The following ROBO2 variants were observed in gnomAD, a reference collection of about 807,000 sequenced individuals.
ROBO2 encodes roundabout homolog 2.
Under a neutral mutation model 160.8 loss-of-function variants are expected in ROBO2, and 53 were observed. The ratio of observed to expected loss-of-function variants is 0.33; its 90% CI spans 0.26 to 0.41. The LOEUF is 0.41. Among genes scored for constraint, ROBO2 ranks in the 10% least tolerant of loss-of-function variants. ROBO2 has a pLI of 1.00. For missense variants in ROBO2, 1,577 were observed against 1,722.4 expected (o/e 0.92, Z 1.49); for synonymous variants, 664 against 611.7 (o/e 1.09, Z -1.26).
At chr3:77,605,680 C>T (rs1165510040) in intron 20 of ROBO2, among the ~76,000 whole-genome samples, 3 of 152,054 alleles carry the variant, frequency 2.0e-5, no homozygotes, top group Non-Finnish European at 4.4e-5. Context: ...TAGTAATTTC[C>T]AGTAAAGAAA....
intron 2 of ROBO2, among the ~76,000 whole-genome samples, chr3:76,483,287 T>A (rs1420330629): frequency 6.6e-6 from 1 of 150,620 alleles, no homozygotes; most frequent in African/African-American, 2.4e-5. Context: ...TTGTTTTCTG[T>A]ATGTAACATG....
chr3:76,329,481 G>T lies in ROBO2; in HGVS notation c.109+391879G>T, dbSNP rs540511751. ...GATCCGCCCGCCTGGGCCTCTCAAA[G>T]TGCTGGGATAACAGGCCTGAGCCAC... On this transcript the variant is annotated intron_variant, in intron 2 of 26. Coordinates refer to the ROBO2 transcript ENST00000487694. Among the ~76,000 whole-genome samples, 13 of 152,322 alleles carry T rather than the reference G, an allele frequency of 8.5e-5. No homozygotes were observed. The South Asian group carries it at 2.3e-3, about 27-fold the overall frequency.
chr3:77,379,659 G>A (rs1560673104), intron 2 of ROBO2, among the ~76,000 whole-genome samples: 1 of 152,136 alleles, frequency 6.6e-6, no homozygotes, highest in Non-Finnish European at 1.5e-5. Context: ...GTCCCCATGT[G>A]TGAATCAAGT....
intron 2 of ROBO2, among the ~76,000 whole-genome samples, chr3:76,952,397 C>A (rs1577777850): frequency 1.3e-5 from 2 of 152,132 alleles, no homozygotes; most frequent in Admixed American, 6.5e-5. Flanking sequence ...ATTCTCCTGC[C>A]TCAGCCTCCC....
At chr3:76,685,312 G>A (rs1241159440) in intron 2 of ROBO2, among the ~76,000 whole-genome samples, 2 of 151,454 alleles carry the variant, frequency 1.3e-5, no homozygotes, top group Non-Finnish European at 2.9e-5. Context: ...AAAATGCTAC[G>A]GGATATCCTG....
At chr3:77,214,491 T>A (rs1010355795) in intron 2 of ROBO2, among the ~76,000 whole-genome samples, 2 of 152,174 alleles carry the variant, frequency 1.3e-5, no homozygotes, top group Non-Finnish European at 2.9e-5. Context: ...ATGAGATCAG[T>A]TTCCTGAATA....
In ROBO2 at chr3:76,272,820, TTATA is replaced by T. The variant is rs1174051629; in HGVS notation, c.109+335223_109+335226del. 2.1e-4 allele frequency among the ~76,000 whole-genome samples: 3 copies of T among 14,454 alleles called. 1 individual carries two copies. Among genetic ancestry groups the T allele is most frequent in the African/African-American group, 4.3e-4 (3 of 6,900 alleles). 9.5% of individuals were successfully genotyped at this position (14,454 alleles called of 152,430 possible). ...TATATATAAAATATATAATATGTAT[TTATA>T]TATAAAATATATATATTATATATTA... On this transcript the variant is annotated intron_variant, in intron 2 of 26. Coordinates refer to the ROBO2 transcript ENST00000487694.
At chr3:76,625,004 C>A (rs1366700006) in intron 2 of ROBO2, among the ~76,000 whole-genome samples, 2 of 151,854 alleles carry the variant, frequency 1.3e-5, no homozygotes, top group East Asian at 3.9e-4. Flanking sequence ...CTTCTAATCA[C>A]AAGTTTGCAT....
intron 2 of ROBO2, among the ~76,000 whole-genome samples, chr3:76,835,906 AGCGT>A (rs1409207967): frequency 3.3e-5 from 5 of 152,034 alleles, no homozygotes; most frequent in Non-Finnish European, 5.9e-5. Context: ...CTTTTGACAC[AGCGT>A]GATTAGACAA....
intron 21 of ROBO2, among the ~76,000 whole-genome samples, chr3:77,610,090 C>A (rs1306038172): frequency 1.3e-5 from 2 of 151,188 alleles, no homozygotes; most frequent in East Asian, 3.9e-4. Context: ...TGATTTTGTC[C>A]ATTTTTTGAT....
At chr3:77,489,940 C>A (rs965344771) in intron 4 of ROBO2, among the ~76,000 whole-genome samples, 1 of 152,056 alleles carries the variant, frequency 6.6e-6, no homozygotes, top group Admixed American at 6.6e-5. Flanking sequence ...TATCAATTAT[C>A]GAAGCCACTG....
chr3:77,079,033 C>T (rs536884589), intron 1 of ROBO2, among the ~76,000 whole-genome samples: 1 of 151,988 alleles, frequency 6.6e-6, no homozygotes, highest in Non-Finnish European at 1.5e-5. Context: ...AACCTCTGCC[C>T]CCTGAGCCTC....
In ROBO2 at chr3:76,197,188, C is replaced by G. The variant is rs192641174; in HGVS notation, c.109+259586C>G. Among the ~76,000 whole-genome samples, 300 of 146,182 alleles carry G rather than the reference C, an allele frequency of 2.1e-3. 12 individuals carry two copies. Among genetic ancestry groups the G allele is most frequent in the African/African-American group, 7.4e-3 (278 of 37,810 alleles). ...GGGAGTGATAATCCACTGAGCTAAT[C>G]GGTCTCTCTATAGATTTGGATCTGG... is the stretch of plus-strand genomic sequence containing the variant. On this transcript the variant is annotated intron_variant, in intron 2 of 26. Transcript: ENST00000487694.
chr3:76,489,614 T>C (rs2079702863), intron 2 of ROBO2, among the ~76,000 whole-genome samples: 1 of 152,192 alleles, frequency 6.6e-6, no homozygotes, highest in African/African-American at 2.4e-5. Context: ...AATTATTTTA[T>C]TTATAACTTC....
intron 2 of ROBO2, among the ~76,000 whole-genome samples, chr3:75,972,198 G>C (rs1408109935): frequency 6.6e-6 from 1 of 151,552 alleles, no homozygotes; most frequent in East Asian, 2.0e-4. Context: ...ATATTATTAA[G>C]ACAAGCACTT....
intron 2 of ROBO2, among the ~76,000 whole-genome samples, chr3:76,218,666 A>G (rs1341543938): frequency 7.9e-5 from 12 of 152,212 alleles, no homozygotes; most frequent in African/African-American, 2.9e-4. Flanking sequence ...ATAAAAGACG[A>G]TACAAACAAA....
chr3:76,802,653 A>G (rs1264197212), intron 2 of ROBO2, among the ~76,000 whole-genome samples: 8 of 150,810 alleles, frequency 5.3e-5, no homozygotes, highest in Non-Finnish European at 5.9e-5. Context: ...GCGGGAACCC[A>G]GGAGGCGGAG....
At position 76,519,653 on chromosome 3, in the gene ROBO2, G is replaced by A. The variant is rs911643417; in HGVS notation, c.110-578361G>A. ...GTATACCCGGGGATTTGCATACTAGGACATTGGAAACTGCCAAAATGATAG... is the reference window on the plus strand; with the variant it reads ...GTATACCCGGGGATTTGCATACTAGAACATTGGAAACTGCCAAAATGATAG... On this transcript the variant is annotated intron_variant, in intron 2 of 26. Transcript: ENST00000487694. Among the ~76,000 whole-genome samples the A allele has an allele frequency of 2.0e-4, 31 of 152,222 alleles. 1 individual carries two copies. Among genetic ancestry groups the A allele is most frequent in the Admixed American group, 1.8e-3 (28 of 15,302 alleles).
intron 2 of ROBO2, among the ~76,000 whole-genome samples, chr3:77,408,160 G>A (rs1347494592): frequency 6.6e-6 from 1 of 151,824 alleles, no homozygotes; most frequent in African/African-American, 2.4e-5. Context: ...TTATCTTTGA[G>A]GAACATTCTA....
Sources: allele counts gnomAD v4.1 joint callset (sites outside exome capture counted in the v4.1 genomes callset), GRCh38; gene constraint gnomAD v4.1.1; transcripts MANE v1.5; gene names NCBI Gene and HGNC (gene_info 2026-07-23, HGNC 2026-07-21).